Variants in ZNF71 observed in about 807,000 individuals in gnomAD.
ZNF71 encodes the protein endothelial zinc finger protein induced by tumor necrosis factor alpha.
ZNF71 carries 3 observed loss-of-function variants against 6.7 expected under a neutral mutation model. That is an observed-to-expected ratio of 0.45 (90% CI 0.20 to 1.16). The LOEUF (loss-of-function observed/expected upper bound fraction) is 1.16. Ranked by LOEUF, ZNF71 falls within the 50% of genes most tolerant of loss-of-function variation. ZNF71 has a pLI of 0.25. For synonymous variants in ZNF71, 343 were observed against 311.1 expected (o/e 1.10, Z -1.08); for missense variants, 688 against 728.6 (o/e 0.94, Z 0.64).
At chr19:56,620,133 CTGTG>C (rs1175370504) in intron 3 of ZNF71, among the ~76,000 whole-genome samples, 29 of 152,290 alleles carry the variant, frequency 1.9e-4, no homozygotes, top group Non-Finnish European at 2.9e-5. Flanking sequence ...GTGAGCGGTC[CTGTG>C]TGTATGAACA....
chr19:56,614,200 A>C (rs191146507), intron 3 of ZNF71, among the ~76,000 whole-genome samples: 136 of 152,362 alleles, frequency 8.9e-4, no homozygotes, highest in Non-Finnish European at 1.2e-3. Context: ...GACCAAACTT[A>C]TGAGCTGGTG....
intron 1 of ZNF71, among the ~76,000 whole-genome samples, chr19:56,597,667 G>A (rs2044636214): frequency 6.6e-6 from 1 of 152,226 alleles, no homozygotes; most frequent in Non-Finnish European, 1.5e-5. Context: ...TTCATACTAT[G>A]GAGACCCTAC....
In ZNF71 at chr19:56,609,367, T is replaced by C. The variant is rs1023970078; in HGVS notation, c.34-4445T>C. On this transcript the variant is annotated intron_variant, in intron 2 of 3. Coordinates refer to ENST00000599599, the MANE Select transcript of ZNF71 (RefSeq NM_001370215.1). ...GTGCTTTTTAGTTTATTTACAGTTA[T>C]GCAACCATCACCACAATATTTTAGA... 2.6e-5 allele frequency among the ~76,000 whole-genome samples: 4 copies of C among 152,186 alleles called. No individual in the cohort carries two copies. In the East Asian group the frequency reaches 5.8e-4, roughly 22 times the overall value.
intron 3 of ZNF71, 99 bp from the exon 4 acceptor site, chr19:56,621,169 T>G: frequency 1.1e-5 from 14 of 1,226,900 alleles, no homozygotes; most frequent in South Asian, 1.6e-5. Context: ...TTGGGCCTCA[T>G]TGGGGTCGGT....
chr19:56,617,667 G>A (rs77457116), intron 3 of ZNF71, among the ~76,000 whole-genome samples: 2,856 of 152,268 alleles, frequency 0.019, 89 homozygotes, highest in African/African-American at 0.064. Flanking sequence ...TTGCTGACCT[G>A]ACTAGAGAAA....
chr19:56,621,365 G>C lies in ZNF71; in HGVS notation c.258G>C (p.Thr86=). The C allele has an allele frequency of 6.3e-7, 1 of 1,586,956 alleles. No individual in the cohort carries two copies. The highest frequency in any genetic ancestry group is 1.7e-4 in the Middle Eastern group (1 of 5,892). ...TTGGGGAGGCCACGGGGGGACCCAC[G>C]AGGAATGGTGCCAGGGGTCCTGGCT... ...SVVGEATGGP[T]RNGARGPGSE... is the part of the protein sequence containing the mutation. Residue 86 remains threonine, a synonymous_variant, in exon 4 of 4, where the codon ACG becomes ACC. Transcript: ENST00000599599.
At chr19:56,610,101 A>G (rs1214746103) in intron 2 of ZNF71, 1 of 152,216 alleles carries the variant, frequency 6.6e-6, no homozygotes, top group East Asian at 1.9e-4. Context: ...GCATCAGTGT[A>G]TAGTTTTTGT....
At chr19:56,614,013 A>C in intron 3 of ZNF71, 75 bp downstream of exon 3, 1 of 1,017,390 alleles carries the variant, frequency 9.8e-7, no homozygotes, top group Non-Finnish European at 1.2e-6. Flanking sequence ...AAAAAAAAAA[A>C]AGATCAACAG....
At chr19:56,608,734 A>G (rs2044728358) in intron 2 of ZNF71, among the ~76,000 whole-genome samples, 1 of 152,136 alleles carries the variant, frequency 6.6e-6, no homozygotes, top group Admixed American at 6.5e-5. Flanking sequence ...ACACACACAC[A>G]TACACATAAA....
At position 56,621,625 on chromosome 19, in the gene ZNF71, G is replaced by A. The variant is rs1176389839; in HGVS notation, c.518G>A (p.Ser173Asn). 1 of 1,614,192 alleles carries A rather than the reference G, an allele frequency of 6.2e-7. No individual in the cohort carries two copies. Among genetic ancestry groups the A allele is most frequent in the Admixed American group, 1.7e-5 (1 of 60,030 alleles). Reference sequence around the variant, plus strand: ...GTAAGGCGTGGCAAGAACTTCTCCAGCACTTCAGACCTCAGTAAGCCCCCC... The same window carrying A: ...GTAAGGCGTGGCAAGAACTTCTCCAACACTTCAGACCTCAGTAAGCCCCCC... ...PPVRRGKNFS[S>N]TSDLSKPPMP... is the part of the protein sequence containing the mutation. Residue 173 changes from serine (S) to asparagine (N), a missense_variant, in exon 4 of 4, where the codon AGC becomes AAC. By Grantham distance (46) the Ser-to-Asn change is conservative. Transcript: ENST00000599599.
intron 2 of ZNF71, among the ~76,000 whole-genome samples, chr19:56,610,808 T>C (rs1275829117): frequency 1.3e-5 from 2 of 152,246 alleles, no homozygotes; most frequent in Admixed American, 1.3e-4. Context: ...TTTGTCCTTT[T>C]GTGACTGGCA....
intron 3 of ZNF71, among the ~76,000 whole-genome samples, chr19:56,614,851 A>T (rs929627): frequency 0.32 from 48,769 of 151,930 alleles, 9,839 homozygotes; most frequent in East Asian, 0.67. Flanking sequence ...TCCCCAAGAG[A>T]TTCCTCATCC....
rs2044768129 is a variant in ZNF71 at position 56,613,642 on chromosome 19, C to T, written c.34-170C>T. Among the ~76,000 whole-genome samples the T allele has an allele frequency of 6.6e-6, 1 of 152,212 alleles. No individual in the cohort carries two copies. Among genetic ancestry groups the T allele is most frequent in the South Asian group, 2.1e-4 (1 of 4,828 alleles). On this transcript the variant is annotated intron_variant, in intron 2 of 3. Transcript: ENST00000599599. This position sits in a 1 kb window ranked among gnomAD's most constrained non-coding sequence, Gnocchi z 4.6. ...CTATCAGAGTGCCAACCCAATATAA[C>T]TAGACACAGAGAAAACTGTGAGTGA...
intron 3 of ZNF71, among the ~76,000 whole-genome samples, chr19:56,615,639 C>T (rs1318821383): frequency 6.6e-6 from 1 of 150,936 alleles, no homozygotes; most frequent in Non-Finnish European, 1.5e-5. Context: ...AAGTCCAATG[C>T]GCTATCCATT....
chr19:56,621,812 C>G lies in ZNF71; in HGVS notation c.705C>G (p.Ile235Met), dbSNP rs1568509896. 3 of 1,613,912 alleles carry G rather than the reference C, an allele frequency of 1.9e-6. No individual in the cohort carries two copies. The highest frequency in any genetic ancestry group is 2.5e-6 in the Non-Finnish European group (3 of 1,179,946). Residue 235 changes from isoleucine to methionine, a missense_variant, in exon 4 of 4, where the codon ATC (isoleucine) becomes ATG (methionine). Physicochemically the swap from Ile to Met is conservative, Grantham distance 10 (BLOSUM62 1). Coordinates refer to ENST00000599599, the MANE Select transcript of ZNF71 (RefSeq NM_001370215.1). ...TCATCGAGCGCTCGTCCCTCACCAT[C>G]CACCAGCGGGTGCACACGGGCGAGA... The part of the protein sequence containing the change: ...KHFIERSSLT[I>M]HQRVHTGEKP...
chr19:56,597,415 T>C (rs1035115), intron 1 of ZNF71, among the ~76,000 whole-genome samples: 110,097 of 152,192 alleles, frequency 0.72, 40,209 homozygotes, highest in East Asian at 1. Flanking sequence ...AATTAATAAC[T>C]TCTACCCCCT....
At chr19:56,617,245 G>T (rs1462408678) in intron 3 of ZNF71, among the ~76,000 whole-genome samples, 1 of 151,842 alleles carries the variant, frequency 6.6e-6, no homozygotes. Context: ...TAAGTAGCTA[G>T]GATTACAGGT....
chr19:56,606,464 G>A (rs1272479321), intron 2 of ZNF71, among the ~76,000 whole-genome samples: 1 of 152,000 alleles, frequency 6.6e-6, no homozygotes, highest in Non-Finnish European at 1.5e-5. Flanking sequence ...TATTTTGCTG[G>A]GTAGTAACCA....
At chr19:56,610,086 T>TA (rs2044740284) in intron 2 of ZNF71, 2 of 152,260 alleles carry the variant, frequency 1.3e-5, no homozygotes, top group African/African-American at 4.8e-5. Context: ...GTAACATTGC[T>TA]ATGAGCATCA....
Sources: gnomAD v4.1 joint callset for allele counts (sites outside exome capture counted in the v4.1 genomes callset) on GRCh38, gnomAD v4.1.1 for gene constraint, Gnocchi (gnomAD v3.1) non-coding constraint, MANE v1.5 for transcripts, NCBI Gene and HGNC (gene_info 2026-07-23, HGNC 2026-07-21) for gene names.